ECPAS: variants seen among roughly 807,000 people sequenced by gnomAD.
ECPAS encodes Ecm29 proteasome adaptor and scaffold, also known as proteasome adapter and scaffold protein ECM29.
Under a neutral mutation model 255.1 loss-of-function variants are expected in ECPAS, and 70 were observed. The ratio of observed to expected loss-of-function variants is 0.27; its 90% CI spans 0.23 to 0.33. ECPAS has a LOEUF of 0.33. ECPAS is among the 10% of genes least tolerant of loss of function. The pLI is 1.00. For synonymous variants in ECPAS, 784 were observed against 775.0 expected (o/e 1.01, Z -0.19); for missense variants, 1,817 against 2,206.4 (o/e 0.82, Z 3.54).
intron 2 of ECPAS, among the ~76,000 whole-genome samples, chr9:111,470,399 G>A (rs940078599): frequency 3.3e-5 from 5 of 149,670 alleles, no homozygotes; most frequent in African/African-American, 9.8e-5. Context: ...CAACCTCCCC[G>A]TCCCGGGTTC....
At chr9:111,408,471 T>C (rs926307409) in intron 24 of ECPAS, 100 bp downstream of exon 24, 15 of 660,580 alleles carry the variant, frequency 2.3e-5, no homozygotes, top group Middle Eastern at 2.5e-4. Flanking sequence ...AGTAAATGCT[T>C]AATTAAAAAT....
At chr9:111,375,223 T>A in intron 37 of ECPAS, 21 bp from the exon 38 acceptor site, 3 of 1,598,774 alleles carry the variant, frequency 1.9e-6, no homozygotes, top group Non-Finnish European at 2.6e-6. Context: ...AGGACAAATA[T>A]AAAGGTAAGC....
In ECPAS at chr9:111,408,581, T is replaced by G. The variant is rs1453577027; in HGVS notation, c.2642A>C (p.Asp881Ala). ...HQKLLLQGLM[D>A]SVEAKQIELQ... Reference sequence around the variant, plus strand: ...TAGCAATATAAATACCTCCACAGAATCCATCAGACCTTGCAAGAGGAGTTT... The same window carrying G: ...TAGCAATATAAATACCTCCACAGAAGCCATCAGACCTTGCAAGAGGAGTTT... Residue 881 changes from aspartate to alanine, a missense_variant, in exon 24 of 50, where the codon GAT becomes GCT. Transcript: ENST00000684092. The G allele has an allele frequency of 6.4e-7, 1 of 1,564,964 alleles. No homozygotes were observed. Among genetic ancestry groups the G allele is most frequent in the Non-Finnish European group, 8.6e-7 (1 of 1,156,650 alleles).
intron 7 of ECPAS, among the ~76,000 whole-genome samples, chr9:111,434,008 G>C (rs16916107): frequency 0.064 from 9,741 of 152,238 alleles, 457 homozygotes; most frequent in East Asian, 0.2. Flanking sequence ...CATGCAATGT[G>C]AAGATGCTAT....
At chr9:111,397,888 T>G (rs1316771391) in intron 24 of ECPAS, among the ~76,000 whole-genome samples, 1 of 152,202 alleles carries the variant, frequency 6.6e-6, no homozygotes, top group Non-Finnish European at 1.5e-5. Context: ...TGAAAGCATT[T>G]CAAAAGTCAA....
At chr9:111,429,320 T>G (rs1178047178) in intron 9 of ECPAS, among the ~76,000 whole-genome samples, 2 of 152,138 alleles carry the variant, frequency 1.3e-5, no homozygotes, top group African/African-American at 4.8e-5. Flanking sequence ...AGTCATCTGG[T>G]GACATGGCTT....
chr9:111,426,083 G>A lies in ECPAS; in HGVS notation c.1051-255C>T, dbSNP rs1176105466. Reference sequence around the variant, plus strand: ...GGGTCTACCACAGTGAGGAAACGAAGAGTACACACTGCAGTGGGTCACCAC... The same window carrying A: ...GGGTCTACCACAGTGAGGAAACGAAAAGTACACACTGCAGTGGGTCACCAC... On this transcript the variant is annotated intron_variant, in intron 10 of 49. Coordinates refer to ENST00000684092, the MANE Select transcript of ECPAS (RefSeq NM_001364929.1). 2.0e-5 allele frequency among the ~76,000 whole-genome samples: 3 copies of A among 152,208 alleles called. No homozygotes were observed. The East Asian group carries it at 5.8e-4, about 29-fold the overall frequency.
intron 2 of ECPAS, among the ~76,000 whole-genome samples, chr9:111,470,918 C>A (rs1241867639): frequency 6.6e-6 from 1 of 152,088 alleles, no homozygotes; most frequent in Non-Finnish European, 1.5e-5. Flanking sequence ...CCCCCAGAGA[C>A]AGCAGCTGGC....
At chr9:111,392,630 C>T in intron 28 of ECPAS, 138 bp downstream of exon 28, 1 of 609,142 alleles carries the variant, frequency 1.6e-6, no homozygotes, top group South Asian at 2.1e-5. Flanking sequence ...CACAGCACAA[C>T]AATTATGGAC....
chr9:111,463,144 C>T (rs981961330), intron 2 of ECPAS, among the ~76,000 whole-genome samples: 41 of 152,172 alleles, frequency 2.7e-4, no homozygotes, highest in Admixed American at 2.3e-3. Context: ...TTAGACCATG[C>T]CTCAGTCATA....
intron 46 of ECPAS, 37 bp from the exon 47 acceptor site, chr9:111,366,664 C>T (rs2098120702): frequency 1.5e-6 from 2 of 1,363,510 alleles, no homozygotes; most frequent in African/African-American, 1.5e-5. Flanking sequence ...GAGCAGGAGA[C>T]AGTATAAAAG....
At chr9:111,375,648 A>T (rs561883980) in intron 37 of ECPAS, among the ~76,000 whole-genome samples, 149 of 152,236 alleles carry the variant, frequency 9.8e-4, no homozygotes, top group African/African-American at 3.5e-3. Flanking sequence ...TGCAATTAAC[A>T]TGTTTTCTAT....
intron 1 of ECPAS, among the ~76,000 whole-genome samples, chr9:111,478,313 G>GGTC (rs2098299112): frequency 6.6e-6 from 1 of 151,658 alleles, no homozygotes; most frequent in Admixed American, 6.6e-5. Context: ...TGGATCACGA[G>GGTC]GTCAGGAGTT....
intron 35 of ECPAS, among the ~76,000 whole-genome samples, chr9:111,381,571 T>C (rs1470604826): frequency 1.3e-5 from 2 of 152,252 alleles, no homozygotes; most frequent in South Asian, 4.1e-4. Context: ...TCCAACTTCA[T>C]GTTAATGTGT....
In ECPAS at chr9:111,408,641, T is replaced by C. The variant is rs759572938; in HGVS notation, c.2582A>G (p.Tyr861Cys). 6.3e-7 allele frequency: 1 copy of C among 1,591,128 alleles called. No individual in the cohort carries two copies. Among genetic ancestry groups the C allele is most frequent in the Non-Finnish European group, 8.6e-7 (1 of 1,168,988 alleles). ...AAAATCTCCATCCCCAACTGGAAAA[T>C]ATCCCAGTGTTTGGATTGCTCGTTC... ...MKERAIQTLGYFPVGDGDFPH... is the reference protein window; with the variant it reads ...MKERAIQTLGCFPVGDGDFPH... The change falls in exon 24 of 50, where the codon TAT becomes TGT. Residue 861 changes from tyrosine to cysteine, a missense_variant. By Grantham distance (194) the Tyr-to-Cys change is radical. This residue lies in a region of ECPAS where 960 missense variants were observed against 1,179.0 expected (regional missense o/e 0.81). Transcript: ENST00000684092.
chr9:111,423,157 T>C lies in ECPAS; in HGVS notation c.1265+42A>G, dbSNP rs1014515266. On this transcript the variant is annotated intron_variant, in intron 13 of 49. Coordinates refer to ENST00000684092, the MANE Select transcript of ECPAS (RefSeq NM_001364929.1). ...TTAAATGCCACATAATTTTTCTCTG[T>C]TTACCAACACCATATCTCTCACTAA... is the stretch of plus-strand genomic sequence containing the variant. The C allele has an allele frequency of 1.2e-5, 17 of 1,398,846 alleles. No homozygotes were observed. In the Admixed American group the frequency reaches 2.9e-4, roughly 24 times the overall value. The allele number at this position is 1,398,846 out of a possible 1,614,324, so 86.7% of individuals were successfully genotyped here.
chr9:111,366,232 C>A lies in ECPAS; in HGVS notation c.5308+7G>T, dbSNP rs368508184. On this transcript the variant is annotated splice_region_variant and intron_variant, in intron 48 of 49. Transcript: ENST00000684092. ...CTCCCTCATCAGTTTTAGTTTACTA[C>A]ACTCACCTAAAGAATATGTGATTGA... 1 of 1,541,004 alleles carries A rather than the reference C, an allele frequency of 6.5e-7. No individual in the cohort carries two copies. The highest frequency in any genetic ancestry group is 1.2e-5 in the South Asian group (1 of 84,122).
rs754236398 is a variant in ECPAS at position 111,416,228 on chromosome 9, T to C, written c.1764+44A>G. On this transcript the variant is annotated intron_variant, in intron 18 of 49. Coordinates refer to ENST00000684092, the MANE Select transcript of ECPAS (RefSeq NM_001364929.1). Reference sequence around the variant, plus strand: ...CTCTTTGGGTGTGGTGTGATCTTTTTAGAACACTTACAAAAAGTAAATAGA... The same window carrying C: ...CTCTTTGGGTGTGGTGTGATCTTTTCAGAACACTTACAAAAAGTAAATAGA... 11 of 1,459,084 alleles carry C rather than the reference T, an allele frequency of 7.5e-6. No homozygotes were observed. The South Asian group carries it at 1.1e-4, about 15-fold the overall frequency. The allele number at this position is 1,459,084 out of a possible 1,614,324, so 90.4% of individuals were successfully genotyped here. A position where few individuals can be genotyped will look rare whatever the true frequency, so the allele number is the denominator to read the frequency against.
At chr9:111,370,834 T>C in intron 43 of ECPAS, 69 bp from the exon 44 acceptor site, 2 of 1,402,268 alleles carry the variant, frequency 1.4e-6, no homozygotes, top group South Asian at 2.5e-5. Context: ...TAAACCATGA[T>C]TACAATTACC....
Sources: gnomAD v4.1 joint callset for allele counts (sites outside exome capture counted in the v4.1 genomes callset) on GRCh38, gnomAD v4.1.1 for gene constraint, gnomAD v4.1.1 regional missense constraint, MANE v1.5 for transcripts, NCBI Gene and HGNC (gene_info 2026-07-23, HGNC 2026-07-21) for gene names.